Variants in CCDC18 observed in about 807,000 individuals in gnomAD.
CCDC18 encodes the protein coiled-coil domain containing 18.
Under a neutral mutation model 196.0 loss-of-function variants are expected in CCDC18, and 157 were observed. That is an observed-to-expected ratio of 0.80 (90% CI 0.70 to 0.91). CCDC18 has a LOEUF of 0.91. CCDC18 is among the 40% of genes least tolerant of loss of function. The pLI is 0.00. For synonymous variants in CCDC18, 482 were observed against 529.2 expected (o/e 0.91, Z 1.22); for missense variants, 1,465 against 1,611.6 (o/e 0.91, Z 1.56).
rs758674928 is a variant in CCDC18, at chr1:93,217,782, A to G, written c.1875A>G (p.Thr625=). ...GGAGTCTAGAAACCAATATTAATAC[A>G]GAGCATGAGAAAATTTGTTTAGCCT... ...KIRSLETNIN[T]EHEKICLAFE... Residue 625 remains threonine (T), a synonymous_variant, in exon 14 of 29, where the codon ACA becomes ACG. Transcript: ENST00000690025. 12 of 1,608,938 alleles carry G rather than the reference A, an allele frequency of 7.5e-6. No homozygotes were observed. The highest frequency in any genetic ancestry group is 3.3e-4 in the Middle Eastern group (2 of 6,056).
chr1:93,266,566 AAG>A (rs1005708298), intron 27 of CCDC18, among the ~76,000 whole-genome samples: 69 of 152,300 alleles, frequency 4.5e-4, no homozygotes, highest in African/African-American at 1.6e-3. Context: ...TAAAGAAGAA[AAG>A]AGAGAAGAAT....
intron 8 of CCDC18, among the ~76,000 whole-genome samples, chr1:93,206,446 T>C (rs1654713478): frequency 6.6e-6 from 1 of 152,190 alleles, no homozygotes; most frequent in South Asian, 2.1e-4. Flanking sequence ...TTAGATATGA[T>C]TTCTTAAGTC....
intron 9 of CCDC18, among the ~76,000 whole-genome samples, chr1:93,209,530 C>G (rs776070404): frequency 6.6e-5 from 10 of 152,270 alleles, no homozygotes; most frequent in Non-Finnish European, 1.0e-4. Flanking sequence ...CAGAAATCAT[C>G]TGATTCAATA....
chr1:93,257,590 G>A (rs1380429597), intron 25 of CCDC18, among the ~76,000 whole-genome samples: 1 of 151,618 alleles, frequency 6.6e-6, no homozygotes, highest in Admixed American at 6.6e-5. Flanking sequence ...CTTTAATTTT[G>A]GTTAAGCCTA....
intron 7 of CCDC18, among the ~76,000 whole-genome samples, 153 bp downstream of exon 7, chr1:93,202,141 T>C (rs1259903509): frequency 6.6e-6 from 1 of 152,232 alleles, no homozygotes; most frequent in Non-Finnish European, 1.5e-5. Context: ...TAAATGTTAG[T>C]TAAGGATGAT....
chr1:93,231,339 C>CA (rs1363006027), intron 17 of CCDC18, among the ~76,000 whole-genome samples: 22 of 152,072 alleles, frequency 1.4e-4, no homozygotes, highest in Non-Finnish European at 2.6e-4. Context: ...AGCCCATTCT[C>CA]TAATACTTCA....
At chr1:93,192,425 G>A (rs1651976648) in intron 5 of CCDC18, among the ~76,000 whole-genome samples, 1 of 152,094 alleles carries the variant, frequency 6.6e-6, no homozygotes, top group Non-Finnish European at 1.5e-5. Flanking sequence ...AAAATGTAAA[G>A]GAGTCAGACA....
Position 93,256,191 on chromosome 1 carries a change from T to C in CCDC18, c.3343-144T>C, listed in dbSNP as rs545121952. On this transcript the variant is annotated intron_variant, in intron 24 of 28. Transcript: ENST00000690025. ...TCAGTTTCACAGTGGGTGATACTCATTGTATGTTAAATTTTAACATACTCA... is the reference window on the plus strand; with the variant it reads ...TCAGTTTCACAGTGGGTGATACTCACTGTATGTTAAATTTTAACATACTCA... 1,136 of 666,244 alleles carry C rather than the reference T, an allele frequency of 1.7e-3. 1 individual carries two copies. The highest frequency in any genetic ancestry group is 2.6e-3 in the Non-Finnish European group (994 of 389,258). The allele number at this position is 666,244 out of a possible 1,614,324, so 41.3% of individuals were successfully genotyped here.
intron 27 of CCDC18, among the ~76,000 whole-genome samples, chr1:93,266,105 C>T (rs940240426): frequency 6.6e-6 from 1 of 152,174 alleles, no homozygotes; most frequent in African/African-American, 2.4e-5. Context: ...TCTGAGACAA[C>T]AGTGAAATCA....
intron 16 of CCDC18, among the ~76,000 whole-genome samples, chr1:93,225,143 C>T (rs973078179): frequency 6.6e-6 from 1 of 152,128 alleles, no homozygotes; most frequent in Admixed American, 6.5e-5. Flanking sequence ...AGATTTCTTT[C>T]ACTTTTTCAA....
chr1:93,269,963 G>C (rs1665075851), intron 27 of CCDC18, among the ~76,000 whole-genome samples: 2 of 152,164 alleles, frequency 1.3e-5, no homozygotes. Context: ...AATTCTGAAA[G>C]GGGTCTTTTT....
intron 7 of CCDC18, among the ~76,000 whole-genome samples, chr1:93,202,237 G>T (rs1653944576): frequency 6.6e-6 from 1 of 152,138 alleles, no homozygotes; most frequent in Admixed American, 6.5e-5. Flanking sequence ...AAAATACAGA[G>T]AAGGATGGAA....
rs139085212 is a variant in CCDC18, at chr1:93,216,598, T to TA, written c.1720-32dup. On this transcript the variant is annotated intron_variant, in intron 12 of 28. Transcript: ENST00000690025. ...TCTTAGAATGCAAAATCATTACCTT[T>TA]AAAAAATAATTTTACATTTATTTCA... The TA allele has an allele frequency of 6.6e-3, 7,222 of 1,092,688 alleles. 218 individuals carry two copies. The African/African-American group carries it at 0.081, about 12-fold the overall frequency. 67.7% of individuals were successfully genotyped at this position (1,092,688 alleles called of 1,614,324 possible). A position where few individuals can be genotyped will look rare whatever the true frequency, so the allele number is the denominator to read the frequency against.
At chr1:93,241,723 CAAAAA>C (rs35810581) in intron 21 of CCDC18, among the ~76,000 whole-genome samples, 2 of 59,954 alleles carry the variant, frequency 3.3e-5, no homozygotes, top group South Asian at 6.9e-4. Flanking sequence ...GACTCCATCT[CAAAAA>C]AAAAAAAAAA....
At chr1:93,235,462 G>A (rs1453647819) in intron 18 of CCDC18, among the ~76,000 whole-genome samples, 1 of 152,208 alleles carries the variant, frequency 6.6e-6, no homozygotes, top group Non-Finnish European at 1.5e-5. Flanking sequence ...GGAAGTCACT[G>A]GTGTTGTAAT....
chr1:93,239,910 T>C lies in CCDC18; in HGVS notation c.2981+14T>C. On this transcript the variant is annotated intron_variant, in intron 21 of 28. Transcript: ENST00000690025. ...AGCTGAACTTAGGTGAGTTAAATAA[T>C]AAGAAATTATATCACAGTTATAAGT... 6.9e-7 allele frequency: 1 copy of C among 1,439,292 alleles called. No individual in the cohort carries two copies. The highest frequency in any genetic ancestry group is 1.8e-5 in the Admixed American group (1 of 55,948). 89.2% of individuals were successfully genotyped at this position (1,439,292 alleles called of 1,614,324 possible).
chr1:93,208,855 G>A (rs370159210), intron 9 of CCDC18, among the ~76,000 whole-genome samples: 84 of 151,282 alleles, frequency 5.6e-4, no homozygotes, highest in Non-Finnish European at 6.2e-4. Flanking sequence ...TAGTAGAGAC[G>A]GGGTTACACC....
At chr1:93,242,492 T>G (rs1192770861) in intron 21 of CCDC18, among the ~76,000 whole-genome samples, 1 of 152,178 alleles carries the variant, frequency 6.6e-6, no homozygotes, top group Non-Finnish European at 1.5e-5. Context: ...GAGATTTGGA[T>G]GGGGTCACAG....
chr1:93,207,219 G>T lies in CCDC18; in HGVS notation c.1030G>T (p.Glu344Ter). 1.2e-6 allele frequency: 2 copies of T among 1,613,294 alleles called. No individual in the cohort carries two copies. Among genetic ancestry groups the T allele is most frequent in the Non-Finnish European group, 1.7e-6 (2 of 1,179,418 alleles). Residue 344 changes from glutamate to a stop codon, truncating the protein, a stop_gained, in exon 9 of 29, where the codon GAG (glutamate) becomes TAG (stop). Coordinates refer to ENST00000690025, the MANE Select transcript of CCDC18 (RefSeq NM_001378204.1). LOFTEE classifies it high-confidence loss of function. ...TESRQSILKL[E>*]SELENKDEIL... is the part of the protein sequence containing the mutation. ...ATCTAGACAAAGTATTTTGAAGCTA[G>T]AGAGTGAGTTAGAGAACAAAGACGA...
Sources: gnomAD v4.1 joint callset for allele counts (sites outside exome capture counted in the v4.1 genomes callset) on GRCh38, gnomAD v4.1.1 for gene constraint, MANE v1.5 for transcripts, NCBI Gene and HGNC (gene_info 2026-07-23, HGNC 2026-07-21) for gene names.